The following ELMO1 variants were observed in gnomAD, a reference collection of about 807,000 sequenced individuals.
ELMO1 encodes engulfment and cell motility 1.
A neutral mutation model predicts 98.9 loss-of-function variants in ELMO1; 26 were observed. The observed-to-expected ratio is 0.26, with a 90% CI of 0.19 to 0.36. ELMO1 has a LOEUF of 0.36. ELMO1 is among the 10% of genes least tolerant of loss of function. The pLI, the probability that ELMO1 is intolerant of heterozygous loss-of-function variation, is 1.00. For missense variants in ELMO1, 627 were observed against 935.2 expected, an observed-to-expected ratio of 0.67 and a Z score of 4.30; for synonymous variants, 346 against 346.0, an observed-to-expected ratio of 1.00 and a Z score of 0.00.
At chr7:36,895,472 G>A (rs1327679615) in intron 16 of ELMO1, among the ~76,000 whole-genome samples, 1 of 152,186 alleles carries the variant, frequency 6.6e-6, no homozygotes, top group African/African-American at 2.4e-5. Flanking sequence ...AATGTGAACA[G>A]ATACTCACAC....
chr7:37,330,823 T>C (rs771113064), intron 2 of ELMO1, among the ~76,000 whole-genome samples: 10 of 152,224 alleles, frequency 6.6e-5, no homozygotes, highest in Admixed American at 2.6e-4. Context: ...CTCTTGGGTA[T>C]ATCTGAAATG....
chr7:37,339,758 T>A (rs931416276), intron 2 of ELMO1, among the ~76,000 whole-genome samples: 1 of 152,086 alleles, frequency 6.6e-6, no homozygotes, highest in African/African-American at 2.4e-5. Flanking sequence ...GGTTTCCATA[T>A]GTGATTAATA....
At chr7:37,186,156 C>T (rs1455126098) in intron 13 of ELMO1, among the ~76,000 whole-genome samples, 3 of 152,114 alleles carry the variant, frequency 2.0e-5, no homozygotes, top group Admixed American at 2.0e-4. Flanking sequence ...AGAAATAAGC[C>T]TTCACATTTA....
intron 13 of ELMO1, among the ~76,000 whole-genome samples, chr7:37,143,124 C>T (rs368751043): frequency 2.0e-5 from 3 of 152,198 alleles, no homozygotes; most frequent in African/African-American, 4.8e-5. Flanking sequence ...CCAGGCATTG[C>T]GCAAAGTGTC....
At chr7:37,051,089 G>A (rs1336451401) in intron 15 of ELMO1, among the ~76,000 whole-genome samples, 1 of 152,180 alleles carries the variant, frequency 6.6e-6, no homozygotes, top group Non-Finnish European at 1.5e-5. Context: ...ATTGATCTGA[G>A]CCATTCTGTG....
intron 17 of ELMO1, among the ~76,000 whole-genome samples, chr7:36,888,712 C>T (rs1208871203): frequency 6.6e-6 from 1 of 152,206 alleles, no homozygotes; most frequent in Non-Finnish European, 1.5e-5. Flanking sequence ...ACATTCTCTC[C>T]TTTCCTCAAG....
chr7:37,012,164 T>G (rs973440901), intron 16 of ELMO1, among the ~76,000 whole-genome samples: 1 of 152,226 alleles, frequency 6.6e-6, no homozygotes, highest in South Asian at 2.1e-4. Flanking sequence ...ATCACTGTGC[T>G]GAGGAAGAAA....
chr7:37,320,875 C>T (rs549977131), intron 2 of ELMO1, among the ~76,000 whole-genome samples: 6 of 152,192 alleles, frequency 3.9e-5, no homozygotes, highest in Non-Finnish European at 8.8e-5. Context: ...TTAACCAGCA[C>T]GTTTCCCATT....
At position 36,853,309 on chromosome 7, in the gene ELMO1, G is replaced by A. The variant is rs565088351; in HGVS notation, c.*2242C>T. On this transcript the variant is annotated 3_prime_UTR_variant, in exon 22 of 22. Transcript: ENST00000310758. ...AGCTGGAGTGCCAGAAGAGAGAGGG[G>A]CTGGATCTCCCCAACCAAGGTCACA... Among the ~76,000 whole-genome samples, 4 of 152,300 alleles carry A rather than the reference G, an allele frequency of 2.6e-5. No homozygotes were observed. Among genetic ancestry groups the A allele is most frequent in the African/African-American group, 9.6e-5 (4 of 41,570 alleles).
At chr7:36,916,567 G>A (rs1784705751) in intron 16 of ELMO1, among the ~76,000 whole-genome samples, 1 of 152,206 alleles carries the variant, frequency 6.6e-6, no homozygotes, top group Admixed American at 6.5e-5. Flanking sequence ...GTGCTTCCAA[G>A]CTCCCCCATT....
chr7:36,976,006 G>C (rs543436494), intron 16 of ELMO1, among the ~76,000 whole-genome samples: 1 of 152,186 alleles, frequency 6.6e-6, no homozygotes, highest in South Asian at 2.1e-4. Flanking sequence ...CTTGAATAGG[G>C]GTCAATAGGA....
Position 36,926,244 on chromosome 7 carries a change from G to A in ELMO1, c.1438-31227C>T, listed in dbSNP as rs139562184. ...TCTCTACTCTGCTTCATAAGTCTCA[G>A]GACAATCGCAGATAGTCCCTTTGTT... On this transcript the variant is annotated intron_variant, in intron 16 of 21. Transcript: ENST00000310758. Among the ~76,000 whole-genome samples the A allele has an allele frequency of 3.3e-5, 5 of 152,328 alleles. No individual in the cohort carries two copies. In the East Asian group the frequency reaches 9.7e-4, roughly 29 times the overall value.
chr7:37,115,667 T>C (rs1785541534), intron 14 of ELMO1, among the ~76,000 whole-genome samples: 1 of 151,990 alleles, frequency 6.6e-6, no homozygotes, highest in Non-Finnish European at 1.5e-5. Context: ...AACTTGACTC[T>C]GCCCTAGGAT....
intron 4 of ELMO1, among the ~76,000 whole-genome samples, chr7:37,299,626 T>TA (rs1245919486): frequency 3.1e-5 from 2 of 65,086 alleles, no homozygotes; most frequent in African/African-American, 9.3e-5. Context: ...CATTGATCTA[T>TA]ATCTCTGTTT....
At chr7:37,425,940 C>G (rs912565490) in intron 1 of ELMO1, among the ~76,000 whole-genome samples, 1 of 152,038 alleles carries the variant, frequency 6.6e-6, no homozygotes, top group African/African-American at 2.4e-5. Flanking sequence ...GACTCTGGAC[C>G]CTCATGCCTA....
intron 14 of ELMO1, among the ~76,000 whole-genome samples, chr7:37,122,265 G>A (rs1305060610): frequency 6.6e-6 from 1 of 152,130 alleles, no homozygotes; most frequent in East Asian, 1.9e-4. Flanking sequence ...CATAATGACA[G>A]GATCAAATTC....
intron 1 of ELMO1, among the ~76,000 whole-genome samples, chr7:37,399,661 G>A (rs953805227): frequency 7.2e-5 from 11 of 152,162 alleles, no homozygotes; most frequent in Non-Finnish European, 7.3e-5. Flanking sequence ...TTCAGAATAC[G>A]CTGAGTGACT....
chr7:36,973,244 C>T lies in ELMO1; in HGVS notation c.1437+40055G>A, dbSNP rs369127076. ...TCCTACAGGTACATCAGGATAAAGG[C>T]CAGCCTTCTGCCTCCTGGAGCGAGA... On this transcript the variant is annotated intron_variant, in intron 16 of 21. Coordinates refer to ENST00000310758, the MANE Select transcript of ELMO1 (RefSeq NM_014800.11). Among the ~76,000 whole-genome samples the T allele has an allele frequency of 3.9e-4, 60 of 152,318 alleles. 1 individual carries two copies. Among genetic ancestry groups the T allele is most frequent in the African/African-American group, 1.4e-3 (59 of 41,576 alleles).
intron 13 of ELMO1, among the ~76,000 whole-genome samples, chr7:37,181,419 C>T (rs1431784308): frequency 6.6e-6 from 1 of 152,198 alleles, no homozygotes; most frequent in East Asian, 1.9e-4. Context: ...ATTAAATCAT[C>T]GGGCATTTCC....
Sources: allele counts gnomAD v4.1 joint callset (sites outside exome capture counted in the v4.1 genomes callset), GRCh38; gene constraint gnomAD v4.1.1; transcripts MANE v1.5; gene names NCBI Gene and HGNC (gene_info 2026-07-23, HGNC 2026-07-21).